ZNRF3: variants seen among roughly 807,000 people sequenced by gnomAD.
ZNRF3 encodes the protein zinc and ring finger 3, also known as E3 ubiquitin-protein ligase ZNRF3.
Under a neutral mutation model 72.5 loss-of-function variants are expected in ZNRF3, and 23 were observed. The observed-to-expected ratio is 0.32, with a 90% CI of 0.23 to 0.45. ZNRF3 has a LOEUF of 0.45. ZNRF3 is among the 20% of genes least tolerant of loss of function. The probability of loss-of-function intolerance (pLI) is 1.00; values close to 1 mark genes in which losing one functional copy is unlikely to be tolerated. For synonymous variants in ZNRF3, 610 were observed against 545.3 expected (o/e 1.12, Z -1.65); for missense variants, 1,169 against 1,272.1 (o/e 0.92, Z 1.23).
intron 1 of ZNRF3, among the ~76,000 whole-genome samples, chr22:28,915,454 T>C (rs1488623943): frequency 2.0e-5 from 3 of 152,174 alleles, no homozygotes; most frequent in Admixed American, 6.5e-5. Flanking sequence ...CCTTAACATA[T>C]CAATTTTTGA....
chr22:28,911,762 C>T (rs1372332827), intron 1 of ZNRF3, among the ~76,000 whole-genome samples: 4 of 152,042 alleles, frequency 2.6e-5, no homozygotes, highest in Admixed American at 6.5e-5. Context: ...TCGAGTCCTG[C>T]CCCTAACCCC....
intron 2 of ZNRF3, among the ~76,000 whole-genome samples, chr22:29,008,931 G>A (rs2036303749): frequency 6.6e-6 from 1 of 152,160 alleles, no homozygotes; most frequent in Non-Finnish European, 1.5e-5. Flanking sequence ...AATTTAAGGT[G>A]TGGACATGTC....
intron 1 of ZNRF3, among the ~76,000 whole-genome samples, chr22:28,914,689 C>G (rs1278445911): frequency 6.6e-6 from 1 of 151,418 alleles, no homozygotes; most frequent in South Asian, 2.1e-4. Flanking sequence ...TGGTGCATGC[C>G]TATATTGTCA....
chr22:28,915,711 T>C (rs1258604892), intron 1 of ZNRF3, among the ~76,000 whole-genome samples: 1 of 152,234 alleles, frequency 6.6e-6, no homozygotes, highest in East Asian at 1.9e-4. Context: ...TTCTAATGTC[T>C]GCCCAAGCAA....
chr22:28,960,325 T>C (rs1298626207), intron 1 of ZNRF3, among the ~76,000 whole-genome samples: 1 of 152,208 alleles, frequency 6.6e-6, no homozygotes, highest in Non-Finnish European at 1.5e-5. Context: ...GGGTTTTTAA[T>C]AAATGAGTCC....
chr22:28,927,382 TG>T (rs2034623345), intron 1 of ZNRF3, among the ~76,000 whole-genome samples: 1 of 152,118 alleles, frequency 6.6e-6, no homozygotes, highest in African/African-American at 2.4e-5. Flanking sequence ...AGTGAAACCC[TG>T]TCTCTACCAA....
At chr22:28,926,953 CT>C (rs1310829302) in intron 1 of ZNRF3, among the ~76,000 whole-genome samples, 1 of 151,550 alleles carries the variant, frequency 6.6e-6, no homozygotes, top group Non-Finnish European at 1.5e-5. Flanking sequence ...GAAACCCTGT[CT>C]CTACTAAAAA....
chr22:28,999,841 C>G (rs911588273), intron 2 of ZNRF3, among the ~76,000 whole-genome samples: 4 of 152,110 alleles, frequency 2.6e-5, no homozygotes, highest in Admixed American at 6.5e-5. Context: ...CACCCCTAAC[C>G]TCGGTGACAT....
chr22:28,989,481 T>C (rs1013236795), intron 2 of ZNRF3, among the ~76,000 whole-genome samples: 8 of 152,104 alleles, frequency 5.3e-5, no homozygotes, highest in Non-Finnish European at 1.0e-4. Flanking sequence ...CGGGGGCTGG[T>C]AGCAAAAAAA....
At chr22:28,944,926 CAAATAAATAAATAAAT>C (rs71316875) in intron 1 of ZNRF3, among the ~76,000 whole-genome samples, 15 of 143,524 alleles carry the variant, frequency 1.0e-4, no homozygotes, top group African/African-American at 2.9e-4. Context: ...ACTCCGTCTC[CAAATAAATAAATAAAT>C]AAATAAATAA....
At position 28,913,858 on chromosome 22, in the gene ZNRF3, G is replaced by A. The variant is rs190748442; in HGVS notation, c.300+29792G>A. On this transcript the variant is annotated intron_variant, in intron 1 of 8. Coordinates refer to ENST00000544604, the MANE Select transcript of ZNRF3 (RefSeq NM_001206998.2). ...ACAGGAAGCAGGGGCAGCCTTTATT[G>A]TGACTTGACTTACCAAACTTTGGGT... Among the ~76,000 whole-genome samples, 667 of 152,242 alleles carry A rather than the reference G, an allele frequency of 4.4e-3. 2 individuals are homozygous for A. The highest frequency in any genetic ancestry group is 7.2e-3 in the Non-Finnish European group (490 of 68,016).
In ZNRF3 at chr22:28,993,731, G is replaced by A. The variant is rs557580737; in HGVS notation, c.426+6530G>A. Among the ~76,000 whole-genome samples the A allele has an allele frequency of 7.2e-5, 11 of 152,300 alleles. 1 individual carries two copies. The South Asian group carries it at 2.3e-3, about 32-fold the overall frequency. ...AGGGTCTTGCTCTGTTGCCCAGGCT[G>A]GAGTGCAGTGGCACAATCATGGCTC... On this transcript the variant is annotated intron_variant, in intron 2 of 8. Transcript: ENST00000544604.
Position 28,967,884 on chromosome 22 carries a change from C to T in ZNRF3, c.301-19192C>T, listed in dbSNP as rs551183795. Among the ~76,000 whole-genome samples the T allele has an allele frequency of 9.3e-5, 14 of 150,570 alleles. No individual in the cohort carries two copies. The South Asian group carries it at 1.7e-3, about 18-fold the overall frequency. ...GAGGCTACAGTGAGCTGAGGTCGCA[C>T]CACTACACTCCAGCCTAGGTGACAG... is the stretch of plus-strand genomic sequence containing the variant. On this transcript the variant is annotated intron_variant, in intron 1 of 8. Coordinates refer to ENST00000544604, the MANE Select transcript of ZNRF3 (RefSeq NM_001206998.2).
At chr22:29,010,244 C>G (rs2036326316) in intron 2 of ZNRF3, among the ~76,000 whole-genome samples, 1 of 152,068 alleles carries the variant, frequency 6.6e-6, no homozygotes, top group Non-Finnish European at 1.5e-5. Flanking sequence ...CCTATTAAAC[C>G]CAGGCTCCTC....
intron 5 of ZNRF3, among the ~76,000 whole-genome samples, chr22:29,045,378 A>AAG (rs1169457591): frequency 6.6e-6 from 1 of 152,008 alleles, no homozygotes; most frequent in African/African-American, 2.4e-5. Flanking sequence ...AAAAAAAAAA[A>AAG]AAAAGATCAA....
Position 29,049,433 on chromosome 22 carries a change from A to T in ZNRF3, c.1252A>T (p.Ser418Cys). 1.2e-6 allele frequency: 2 copies of T among 1,606,032 alleles called. No individual in the cohort carries two copies. Among genetic ancestry groups the T allele is most frequent in the Non-Finnish European group, 1.7e-6 (2 of 1,179,380 alleles). Residue 418 changes from serine to cysteine, a missense_variant, in exon 8 of 9, where the codon AGC (serine) becomes TGC (cysteine). Around this residue, in one of 2 missense-constraint regions of ZNRF3, gnomAD observed 783 missense variants for 731.4 expected, o/e 1.07. Transcript: ENST00000544604. This position sits in a 1 kb window ranked among gnomAD's most constrained non-coding sequence, Gnocchi z 5.2. ...CCCGCAGACCCCCGCCTACATCCGC[A>T]GCTACCCACCCCTCCACCTGGACCA... ...YSPQTPAYIR[S>C]YPPLHLDHSL...
At chr22:28,992,821 A>G (rs1291140992) in intron 2 of ZNRF3, 2 of 152,202 alleles carry the variant, frequency 1.3e-5, no homozygotes, top group Non-Finnish European at 2.9e-5. Flanking sequence ...TACTACATAG[A>G]ATCAAATCCT....
intron 1 of ZNRF3, among the ~76,000 whole-genome samples, chr22:28,935,272 G>A (rs779088958): frequency 3.3e-5 from 5 of 152,174 alleles, no homozygotes; most frequent in Admixed American, 2.0e-4. Context: ...TTTTAAGGTT[G>A]CCTGTGTACC....
At position 29,049,778 on chromosome 22, in the gene ZNRF3, C is replaced by A; in HGVS notation, c.1597C>A (p.His533Asn). 1 of 1,599,256 alleles carries A rather than the reference C, an allele frequency of 6.3e-7. No homozygotes were observed. Among genetic ancestry groups the A allele is most frequent in the South Asian group, 1.1e-5 (1 of 89,660 alleles). Residue 533 changes from histidine to asparagine, a missense_variant, in exon 8 of 9, where the codon CAC becomes AAC. By Grantham distance (68) the His-to-Asn change is moderately conservative. Transcript: ENST00000544604. This position sits in a 1 kb window ranked among gnomAD's most constrained non-coding sequence, Gnocchi z 5.2. ...CAGCACGTCCAGCTTCAGCTGCTAT[C>A]ACGGCCACCGCTCGGTGTGCAGTGG... The part of the protein sequence containing the change: ...SGSTSSFSCY[H>N]GHRSVCSGYL...
Sources: gnomAD v4.1 joint callset for allele counts (sites outside exome capture counted in the v4.1 genomes callset) on GRCh38, gnomAD v4.1.1 for gene constraint, gnomAD v4.1.1 regional missense constraint, Gnocchi (gnomAD v3.1) non-coding constraint, MANE v1.5 for transcripts, NCBI Gene and HGNC (gene_info 2026-07-23, HGNC 2026-07-21) for gene names.